Variants in COMMD7 observed in about 807,000 individuals in gnomAD.
COMMD7 encodes COMM domain-containing protein 7.
In COMMD7, 28 loss-of-function variants were observed where a neutral mutation model predicts 34.8. The observed-to-expected ratio is 0.80, with a 90% CI of 0.60 to 1.10. COMMD7 has a LOEUF of 1.10. Ranked by LOEUF, COMMD7 falls within the 50% of genes least tolerant of loss-of-function variation. COMMD7 has a pLI of 0.00. For synonymous variants in COMMD7, 80 were observed against 86.4 expected, an observed-to-expected ratio of 0.93 and a Z score of 0.41; for missense variants, 211 against 241.6, an observed-to-expected ratio of 0.87 and a Z score of 0.84.
intron 1 of COMMD7, among the ~76,000 whole-genome samples, chr20:32,735,514 A>G (rs894561629): frequency 2.0e-5 from 3 of 151,922 alleles, no homozygotes; most frequent in African/African-American, 4.8e-5. Context: ...ACAGGGTTTC[A>G]CCATGTTGGC....
intron 5 of COMMD7, among the ~76,000 whole-genome samples, chr20:32,705,595 G>T (rs1305972040): frequency 6.6e-6 from 1 of 151,838 alleles, no homozygotes. Flanking sequence ...GGATGATCTC[G>T]ATCTCCTGAC....
intron 1 of COMMD7, 62 bp downstream of exon 1, chr20:32,743,246 C>T: frequency 9.6e-7 from 1 of 1,042,812 alleles, no homozygotes. Flanking sequence ...GTCCCCCCCA[C>T]CCCAGGCCCG....
intron 6 of COMMD7, 112 bp from the exon 7 acceptor site, chr20:32,704,601 G>A (rs556125272): frequency 4.4e-5 from 52 of 1,171,910 alleles, no homozygotes; most frequent in Non-Finnish European, 6.3e-5. Context: ...GCCATGTGGG[G>A]GCAAGTATGA....
chr20:32,704,143 G>A, intron 7 of COMMD7, 72 bp from the exon 8 acceptor site: 2 of 1,287,722 alleles, frequency 1.6e-6, no homozygotes, highest in Non-Finnish European at 2.2e-6. Context: ...AAAACCCTTT[G>A]ACTTAATTAA....
intron 7 of COMMD7, 108 bp downstream of exon 7, chr20:32,704,332 A>T: frequency 1.9e-6 from 2 of 1,065,704 alleles, no homozygotes; most frequent in Non-Finnish European, 2.7e-6. Context: ...GAGATATATA[A>T]GGTACTTCAG....
chr20:32,741,276 G>A (rs1410981911), intron 1 of COMMD7, among the ~76,000 whole-genome samples: 1 of 151,944 alleles, frequency 6.6e-6, no homozygotes, highest in Non-Finnish European at 1.5e-5. Context: ...GCTATTCACA[G>A]GTGGAATCAC....
chr20:32,707,625 A>T (rs1984178896), intron 3 of COMMD7, among the ~76,000 whole-genome samples: 1 of 148,884 alleles, frequency 6.7e-6, no homozygotes, highest in African/African-American at 2.5e-5. Context: ...CCTGGCACAT[A>T]TTTTTTTTTT....
rs562333995 is a variant in COMMD7 at position 32,703,287 on chromosome 20, T to A, written c.*95A>T. 8.9e-6 allele frequency: 10 copies of A among 1,129,478 alleles called. No individual in the cohort carries two copies. The African/African-American group carries it at 9.3e-5, about 11-fold the overall frequency. 70.0% of individuals were successfully genotyped at this position (1,129,478 alleles called of 1,614,324 possible). The stretch of plus-strand genomic sequence containing the variant: ...GGAGCCAGCAGGGCCCCATGGAGCA[T>A]CCCACAGGCCTGTGAGTGAAGTGCC... On this transcript the variant is annotated 3_prime_UTR_variant, in exon 9 of 9. Coordinates refer to ENST00000278980, the MANE Select transcript of COMMD7 (RefSeq NM_053041.3).
intron 3 of COMMD7, among the ~76,000 whole-genome samples, chr20:32,720,164 T>G (rs1433186072): frequency 6.6e-6 from 1 of 152,214 alleles, no homozygotes; most frequent in African/African-American, 2.4e-5. Flanking sequence ...TTCACTGGTA[T>G]GCTGAGTTCC....
chr20:32,742,057 G>A (rs753103509), intron 1 of COMMD7, among the ~76,000 whole-genome samples: 3 of 152,034 alleles, frequency 2.0e-5, no homozygotes, highest in East Asian at 3.9e-4. Flanking sequence ...GCATGGTGGC[G>A]TGTGCCTGTA....
chr20:32,706,775 A>C lies in COMMD7; in HGVS notation c.242-15T>G, dbSNP rs1984110415. ...CTTCAAAGCACCTGGGAGGCAGGGG[A>C]GAAATCAGTTAGAAAGGCAGACCAG... On this transcript the variant is annotated splice_polypyrimidine_tract_variant and intron_variant, in intron 3 of 8. Coordinates refer to ENST00000278980, the MANE Select transcript of COMMD7 (RefSeq NM_053041.3). 1 of 1,611,486 alleles carries C rather than the reference A, an allele frequency of 6.2e-7. No homozygotes were observed.
intron 3 of COMMD7, among the ~76,000 whole-genome samples, chr20:32,727,275 A>G (rs1384840850): frequency 1.3e-5 from 2 of 151,916 alleles, no homozygotes; most frequent in African/African-American, 4.8e-5. Context: ...CAGGCCGGGT[A>G]CGGTGGCTCA....
intron 3 of COMMD7, among the ~76,000 whole-genome samples, chr20:32,708,477 G>A (rs902460103): frequency 3.3e-5 from 5 of 152,024 alleles, no homozygotes; most frequent in South Asian, 2.1e-4. Flanking sequence ...GAAGCCACAC[G>A]GAATAAAAAA....
chr20:32,705,072 G>T (rs1983983951), intron 5 of COMMD7, among the ~76,000 whole-genome samples, 168 bp from the exon 6 acceptor site: 1 of 152,004 alleles, frequency 6.6e-6, no homozygotes, highest in Non-Finnish European at 1.5e-5. Context: ...CATACCTAGG[G>T]ATGGAGGAGG....
chr20:32,728,122 C>T lies in COMMD7; in HGVS notation c.105G>A (p.Glu35=). 1 of 1,614,058 alleles carries T rather than the reference C, an allele frequency of 6.2e-7. No individual in the cohort carries two copies. The highest frequency in any genetic ancestry group is 8.5e-7 in the Non-Finnish European group (1 of 1,180,008). ...GCTCAGTTAGGAAGTGGAAAAGCAC[C>T]TCTGTCAGGGCTGAGAACTGCTGTG... is the stretch of plus-strand genomic sequence containing the variant. ...LGAQQFSALT[E]VLFHFLTEPK... Residue 35 remains glutamate, a synonymous_variant, in exon 2 of 9, where the codon GAG becomes GAA. Transcript: ENST00000278980.
chr20:32,726,060 C>T (rs1207738600), intron 3 of COMMD7, among the ~76,000 whole-genome samples: 3 of 85,498 alleles, frequency 3.5e-5, no homozygotes, highest in Admixed American at 1.2e-4. Flanking sequence ...AAAAGCCTGT[C>T]TCAAAAAAAA....
At chr20:32,715,197 C>T (rs902321990) in intron 3 of COMMD7, among the ~76,000 whole-genome samples, 1 of 145,020 alleles carries the variant, frequency 6.9e-6, no homozygotes, top group Non-Finnish European at 1.5e-5. Flanking sequence ...AATAAAAAAA[C>T]AGGCAGCCAG....
In COMMD7 at chr20:32,743,394, C is replaced by A. The variant is rs1255417109; in HGVS notation, c.-3G>T. The A allele has an allele frequency of 7.2e-7, 1 of 1,384,072 alleles. No homozygotes were observed. The highest frequency in any genetic ancestry group is 9.3e-7 in the Non-Finnish European group (1 of 1,074,886). 85.7% of individuals were successfully genotyped at this position (1,384,072 alleles called of 1,614,324 possible). A position where few individuals can be genotyped will look rare whatever the true frequency, so the allele number is the denominator to read the frequency against. ...TCAGTGCAGTGCAGGCGGCCCATGG[C>A]GCGCGCCCCAGCCCCGCAGGTTCCA... On this transcript the variant is annotated 5_prime_UTR_variant, in exon 1 of 9. Transcript: ENST00000278980.
intron 1 of COMMD7, 53 bp downstream of exon 1, chr20:32,743,255 C>CCGCAACA: frequency 7.8e-7 from 1 of 1,285,652 alleles, no homozygotes; most frequent in Non-Finnish European, 1.1e-6. Flanking sequence ...ACCCCAGGCC[C>CCGCAACA]GGATCCTGGA....
Sources: gnomAD v4.1 joint callset for allele counts (sites outside exome capture counted in the v4.1 genomes callset) on GRCh38, gnomAD v4.1.1 for gene constraint, MANE v1.5 for transcripts, NCBI Gene and HGNC (gene_info 2026-07-23, HGNC 2026-07-21) for gene names.